Variants in GAS7 observed in about 807,000 individuals in gnomAD.
GAS7 encodes the protein growth arrest specific 7, also known as growth arrest-specific protein 7.
A neutral mutation model predicts 71.1 loss-of-function variants in GAS7; 28 were observed. The observed-to-expected ratio is 0.39, with a 90% CI of 0.29 to 0.54. The LOEUF is 0.54. GAS7 is among the 20% of genes least tolerant of loss of function. The probability of loss-of-function intolerance (pLI) is 0.62; values close to 1 mark genes in which losing one functional copy is unlikely to be tolerated. For missense variants in GAS7, 436 were observed against 627.8 expected (o/e 0.69, Z 3.27); for synonymous variants, 258 against 245.8 (o/e 1.05, Z -0.46).
At chr17:10,177,927 C>T (rs2074385146) in intron 1 of GAS7, among the ~76,000 whole-genome samples, 1 of 152,296 alleles carries the variant, frequency 6.6e-6, no homozygotes, top group East Asian at 1.9e-4. Flanking sequence ...AATTCAGAAA[C>T]AAACCAGAAC....
chr17:9,968,441 A>C (rs2069814449), intron 4 of GAS7, among the ~76,000 whole-genome samples: 1 of 152,250 alleles, frequency 6.6e-6, no homozygotes, highest in South Asian at 2.1e-4. Context: ...GCTCACTCTA[A>C]GTCCATCAAA....
intron 1 of GAS7, among the ~76,000 whole-genome samples, chr17:10,124,890 C>T (rs1391006900): frequency 6.6e-6 from 1 of 151,904 alleles, no homozygotes; most frequent in Non-Finnish European, 1.5e-5. Context: ...TGCACTTCAG[C>T]CTGGGTGACA....
At chr17:10,159,745 A>AGTTTATGATGC (rs2074236736) in intron 1 of GAS7, among the ~76,000 whole-genome samples, 1 of 150,088 alleles carries the variant, frequency 6.7e-6, no homozygotes, top group African/African-American at 2.5e-5. Flanking sequence ...GAGTGTTCCC[A>AGTTTATGATGC]GTTTATGAAA....
intron 2 of GAS7, among the ~76,000 whole-genome samples, chr17:9,997,253 C>CAG (rs1555615059): frequency 5.4e-5 from 2 of 37,114 alleles, no homozygotes; most frequent in African/African-American, 1.3e-4. Flanking sequence ...CGGGTGGGGG[C>CAG]GGGGGCGGTG....
At chr17:10,021,342 C>A (rs891421938) in intron 1 of GAS7, among the ~76,000 whole-genome samples, 13 of 149,450 alleles carry the variant, frequency 8.7e-5, no homozygotes, top group Admixed American at 7.4e-4. Context: ...CACACAGCTC[C>A]CAGGCTACTC....
At chr17:10,131,290 C>G (rs1053605901) in intron 1 of GAS7, among the ~76,000 whole-genome samples, 2 of 152,244 alleles carry the variant, frequency 1.3e-5, no homozygotes, top group East Asian at 3.8e-4. Context: ...ATAATTACAG[C>G]CAACATTGCT....
At chr17:10,153,142 G>A (rs1049916745) in intron 1 of GAS7, among the ~76,000 whole-genome samples, 3 of 149,714 alleles carry the variant, frequency 2.0e-5, no homozygotes, top group Non-Finnish European at 4.4e-5. Context: ...CCCAGGAGGA[G>A]GAGGTTACAC....
At chr17:10,174,092 T>C (rs1208318411) in intron 1 of GAS7, among the ~76,000 whole-genome samples, 3 of 152,192 alleles carry the variant, frequency 2.0e-5, no homozygotes, top group Non-Finnish European at 4.4e-5. Context: ...GGCACTGTCA[T>C]AGGCGTTTCA....
intron 9 of GAS7, among the ~76,000 whole-genome samples, chr17:9,932,194 CTTT>C (rs34286699): frequency 1.5e-4 from 18 of 116,146 alleles, no homozygotes; most frequent in Non-Finnish European, 2.1e-4. Context: ...GTCCCCCCCG[CTTT>C]TTTTTTTTTT....
At chr17:10,020,006 A>G in intron 1 of GAS7, 109 bp from the exon 2 acceptor site, 1 of 1,094,764 alleles carries the variant, frequency 9.1e-7, no homozygotes, top group Non-Finnish European at 1.3e-6. Context: ...TGACATTGGG[A>G]AGTCTGCGGC....
At chr17:10,040,575 C>G (rs897506612) in intron 1 of GAS7, among the ~76,000 whole-genome samples, 2 of 146,642 alleles carry the variant, frequency 1.4e-5, no homozygotes, top group African/African-American at 2.5e-5. Context: ...GAATCCCCCC[C>G]ACCTTCTTTC....
rs978148978 is a variant in GAS7, at chr17:9,913,820, T to C, written c.*3408A>G. The C allele has an allele frequency of 5.6e-5, 13 of 231,030 alleles. No individual in the cohort carries two copies. The highest frequency in any genetic ancestry group is 1.8e-4 in the South Asian group (1 of 5,504). The allele number at this position is 231,030 out of a possible 1,614,324, so 14.3% of individuals were successfully genotyped here. A position where few individuals can be genotyped will look rare whatever the true frequency, so the allele number is the denominator to read the frequency against. ...TCACAGCAACCAACTTGGAACACCA[T>C]TTGGCTTAAGGAATTTTTTTTTTCT... On this transcript the variant is annotated 3_prime_UTR_variant, in exon 14 of 14. Transcript: ENST00000432992.
chr17:9,971,942 C>T (rs142387809), intron 3 of GAS7, among the ~76,000 whole-genome samples: 3 of 152,274 alleles, frequency 2.0e-5, no homozygotes, highest in Admixed American at 6.5e-5. Context: ...GGTGGTGCCC[C>T]GTTCTCCACC....
chr17:10,005,328 TACAC>T lies in GAS7; in HGVS notation c.304+14445_304+14448del, dbSNP rs564932578. 3.8e-4 allele frequency among the ~76,000 whole-genome samples: 57 copies of T among 149,290 alleles called. 3 individuals are homozygous for T. The highest frequency in any genetic ancestry group is 2.1e-3 in the Admixed American group (32 of 14,996). On this transcript the variant is annotated intron_variant, in intron 2 of 13. Coordinates refer to ENST00000432992, the MANE Select transcript of GAS7 (RefSeq NM_201433.2). ...ACATATATACACACACATATATATA[TACAC>T]ACACACACACACACATATATATATA...
chr17:10,067,452 C>T (rs1266757981), intron 1 of GAS7, among the ~76,000 whole-genome samples: 1 of 151,968 alleles, frequency 6.6e-6, no homozygotes. Flanking sequence ...ACCATGTTGG[C>T]CAGGCTGGTC....
At chr17:10,049,868 C>A (rs976704813) in intron 1 of GAS7, among the ~76,000 whole-genome samples, 21 of 152,056 alleles carry the variant, frequency 1.4e-4, no homozygotes, top group African/African-American at 4.3e-4. Flanking sequence ...GATCCACCCA[C>A]CTTGGCGTCC....
chr17:9,977,331 T>C (rs2070244857), intron 3 of GAS7, among the ~76,000 whole-genome samples: 1 of 152,226 alleles, frequency 6.6e-6, no homozygotes, highest in Non-Finnish European at 1.5e-5. Flanking sequence ...CACAGAGGGT[T>C]CTACTGGACA....
chr17:10,071,757 AAATAAT>A (rs148705126), intron 1 of GAS7, among the ~76,000 whole-genome samples: 34 of 150,762 alleles, frequency 2.3e-4, no homozygotes, highest in Non-Finnish European at 3.1e-4. Context: ...AAACCCCTTC[AAATAAT>A]AATAATAATA....
chr17:9,921,671 C>T (rs1344392124), intron 11 of GAS7, among the ~76,000 whole-genome samples: 1 of 152,106 alleles, frequency 6.6e-6, no homozygotes, highest in East Asian at 1.9e-4. Flanking sequence ...ACAAGAATGC[C>T]TTTGTTGGCC....
Sources: allele counts gnomAD v4.1 joint callset (sites outside exome capture counted in the v4.1 genomes callset), GRCh38; gene constraint gnomAD v4.1.1; transcripts MANE v1.5; gene names NCBI Gene and HGNC (gene_info 2026-07-23, HGNC 2026-07-21).